Variants in STK38L observed in about 807,000 individuals in gnomAD.
STK38L encodes serine/threonine kinase 38 like.
Under a neutral mutation model 59.7 loss-of-function variants are expected in STK38L, and 28 were observed. The ratio of observed to expected loss-of-function variants is 0.47; its 90% CI spans 0.35 to 0.64. STK38L has a LOEUF of 0.64. STK38L is among the 30% of genes least tolerant of loss of function. The pLI is 0.01. For missense variants in STK38L, 314 were observed against 555.8 expected (o/e 0.56, Z 4.37); for synonymous variants, 162 against 176.8 (o/e 0.92, Z 0.66).
Position 27,319,391 on chromosome 12 carries a change from C to G in STK38L, c.1143C>G (p.Pro381=), listed in dbSNP as rs775997709. 1.2e-5 allele frequency: 19 copies of G among 1,613,070 alleles called. No individual in the cohort carries two copies. Among genetic ancestry groups the G allele is most frequent in the Admixed American group, 1.7e-5 (1 of 59,958 alleles). The part of the protein sequence containing the change: ...NSGVEEIKGH[P]FFEGVDWEHI... ...GAGTAGAAGAAATAAAAGGTCATCC[C>G]TTTTTTGAAGGTGTCGACTGGGAGC... Residue 381 remains proline (P), a synonymous_variant, in exon 12 of 14, where the codon CCC becomes CCG. Coordinates refer to ENST00000389032, the MANE Select transcript of STK38L (RefSeq NM_015000.4).
intron 1 of STK38L, among the ~76,000 whole-genome samples, chr12:27,273,903 G>T (rs11048958): frequency 6.6e-6 from 1 of 152,128 alleles, no homozygotes; most frequent in Non-Finnish European, 1.5e-5. Context: ...ACATAAGTAC[G>T]TGTGGTTTGT....
rs1417122135 is a variant in STK38L, at chr12:27,281,079, T to TG, written c.-11-16631_-11-16630insG. 1.0e-3 allele frequency among the ~76,000 whole-genome samples: 2 copies of TG among 1,992 alleles called. 1 individual carries two copies. Among genetic ancestry groups the TG allele is most frequent in the African/African-American group, 4.0e-3 (2 of 496 alleles). The allele number at this position is 1,992 out of a possible 152,430, so 1.3% of individuals were successfully genotyped here. On this transcript the variant is annotated intron_variant, in intron 1 of 13. Transcript: ENST00000389032. ...TGGCTTTAGCTTTGTTTTTTTTTTT[T>TG]TTTTTTTTTTTTTTTTTTTTTTTTG...
In STK38L at chr12:27,324,815, A is replaced by G. The variant is rs1233686856; in HGVS notation, c.*2360A>G. 1 of 152,118 alleles carries G rather than the reference A, an allele frequency of 6.6e-6. No individual in the cohort carries two copies. The highest frequency in any genetic ancestry group is 1.5e-5 in the Non-Finnish European group (1 of 67,962). The allele number at this position is 152,118 out of a possible 1,614,324, so 9.4% of individuals were successfully genotyped here. A position where few individuals can be genotyped will look rare whatever the true frequency, so the allele number is the denominator to read the frequency against. On this transcript the variant is annotated 3_prime_UTR_variant, in exon 14 of 14. Transcript: ENST00000389032. ...TTGATTCATGATGCAAATTAACTAG[A>G]TAATTTGCAAAGTACCCTTGAGATT...
At position 27,308,885 on chromosome 12, in the gene STK38L, A is replaced by AATAT. The variant is rs1944384281; in HGVS notation, c.310-227_310-226insATAT. Reference sequence around the variant, plus strand: ...ATATATATAAATATAAATATATATAAATGTAAATATATAAATATATATAAA... The same window carrying AATAT: ...ATATATATAAATATAAATATATATAAATATATGTAAATATATAAATATATATAAA... On this transcript the variant is annotated intron_variant, in intron 4 of 13. Coordinates refer to ENST00000389032, the MANE Select transcript of STK38L (RefSeq NM_015000.4). The surrounding 1 kb of genome is among the most constrained non-coding windows in gnomAD (Gnocchi z 4.5). Among the ~76,000 whole-genome samples, 1 of 143,880 alleles carries AATAT rather than the reference A, an allele frequency of 7.0e-6. No individual in the cohort carries two copies. The highest frequency in any genetic ancestry group is 2.5e-5 in the African/African-American group (1 of 40,316). 94.4% of individuals were successfully genotyped at this position (143,880 alleles called of 152,430 possible).
intron 10 of STK38L, 51 bp downstream of exon 10, chr12:27,317,504 C>A: frequency 7.2e-7 from 1 of 1,380,708 alleles, no homozygotes; most frequent in Non-Finnish European, 1.0e-6. Context: ...TCCTTGAGTG[C>A]CATTGTTTGA....
chr12:27,297,193 A>C (rs1944045446), intron 1 of STK38L: 1 of 152,902 alleles, frequency 6.5e-6, no homozygotes, highest in South Asian at 2.1e-4. Flanking sequence ...CCCCTACAAT[A>C]TACGTGAACG....
chr12:27,299,777 A>G (rs1028936404), intron 2 of STK38L, among the ~76,000 whole-genome samples: 1 of 152,120 alleles, frequency 6.6e-6, no homozygotes, highest in Non-Finnish European at 1.5e-5. Context: ...TAGTAGAAGG[A>G]AAAAATTGGA....
At chr12:27,247,665 A>G (rs1488214615) in intron 1 of STK38L, among the ~76,000 whole-genome samples, 3 of 152,102 alleles carry the variant, frequency 2.0e-5, no homozygotes, top group Non-Finnish European at 4.4e-5. Flanking sequence ...GCGTCTTTGT[A>G]TATTTTGTCC....
chr12:27,270,124 G>A (rs1279506369), intron 1 of STK38L, among the ~76,000 whole-genome samples: 1 of 152,120 alleles, frequency 6.6e-6, no homozygotes, highest in Non-Finnish European at 1.5e-5. Flanking sequence ...AACATTTTTG[G>A]CACTGTGATT....
At position 27,308,969 on chromosome 12, in the gene STK38L, T is replaced by G. The variant is rs538435495; in HGVS notation, c.310-145T>G. 380 of 155,584 alleles carry G rather than the reference T, an allele frequency of 2.4e-3. 1 individual carries two copies. The highest frequency in any genetic ancestry group is 8.7e-3 in the African/African-American group (351 of 40,418). 9.6% of individuals were successfully genotyped at this position (155,584 alleles called of 1,614,324 possible). ...TATATATAACATATATAAAAATATA[T>G]AGATATAAAAATATATAGATATATA... On this transcript the variant is annotated intron_variant, in intron 4 of 13. Transcript: ENST00000389032. The surrounding 1 kb of genome is among the most constrained non-coding windows in gnomAD (Gnocchi z 4.5).
At chr12:27,310,308 C>G (rs1944425039) in intron 5 of STK38L, among the ~76,000 whole-genome samples, 1 of 151,970 alleles carries the variant, frequency 6.6e-6, no homozygotes, top group African/African-American at 2.4e-5. Context: ...ATAGCAAGAC[C>G]CCATTCTCCA....
At chr12:27,314,088 G>C (rs1944525767) in intron 6 of STK38L, among the ~76,000 whole-genome samples, 1 of 152,044 alleles carries the variant, frequency 6.6e-6, no homozygotes, top group Admixed American at 6.6e-5. Context: ...AATATACTGG[G>C]TAGATCATAA....
At chr12:27,317,277 C>T in intron 9 of STK38L, 59 bp from the exon 10 acceptor site, 3 of 1,250,582 alleles carry the variant, frequency 2.4e-6, no homozygotes, top group Non-Finnish European at 2.3e-6. Context: ...GTAAGCCATC[C>T]TCAGATAGAT....
intron 1 of STK38L, among the ~76,000 whole-genome samples, chr12:27,281,864 C>T (rs970332576): frequency 2.0e-5 from 3 of 151,898 alleles, no homozygotes; most frequent in African/African-American, 7.3e-5. Context: ...GTGGAACCCC[C>T]TGTCTACTAA....
At chr12:27,262,711 A>T (rs1037214062) in intron 1 of STK38L, among the ~76,000 whole-genome samples, 2 of 7,486 alleles carry the variant, frequency 2.7e-4, no homozygotes, top group African/African-American at 7.1e-4. Flanking sequence ...TCTCTAATTA[A>T]AAAAAAAAAA....
chr12:27,321,187 A>AAT (rs1944720010), intron 12 of STK38L, among the ~76,000 whole-genome samples: 1 of 152,220 alleles, frequency 6.6e-6, no homozygotes, highest in Non-Finnish European at 1.5e-5. Context: ...TCTGGTAAAA[A>AAT]ATATATATGG....
intron 1 of STK38L, among the ~76,000 whole-genome samples, chr12:27,276,744 A>C (rs1166149990): frequency 6.6e-6 from 1 of 152,222 alleles, no homozygotes; most frequent in Non-Finnish European, 1.5e-5. Context: ...AGTTTATATT[A>C]TGAATTATTG....
chr12:27,284,224 A>C (rs957960398), intron 1 of STK38L, among the ~76,000 whole-genome samples: 3 of 151,920 alleles, frequency 2.0e-5, no homozygotes, highest in East Asian at 3.9e-4. Context: ...CTGATATCCA[A>C]CTTTGCTGCA....
intron 1 of STK38L, among the ~76,000 whole-genome samples, chr12:27,258,318 A>G (rs1943132159): frequency 6.6e-6 from 1 of 151,962 alleles, no homozygotes; most frequent in African/African-American, 2.4e-5. Context: ...GTGCTGGGAT[A>G]GTTGCCTTTT....
Sources: gnomAD v4.1 joint callset for allele counts (sites outside exome capture counted in the v4.1 genomes callset) on GRCh38, gnomAD v4.1.1 for gene constraint, Gnocchi (gnomAD v3.1) non-coding constraint, MANE v1.5 for transcripts, NCBI Gene and HGNC (gene_info 2026-07-23, HGNC 2026-07-21) for gene names.